The following SORT1 variants were observed in gnomAD, a reference collection of about 807,000 sequenced individuals.
SORT1 encodes the protein sortilin.
In SORT1, 39 loss-of-function variants were observed where a neutral mutation model predicts 101.7. That is an observed-to-expected ratio of 0.38 (90% CI 0.30 to 0.50). The LOEUF (loss-of-function observed/expected upper bound fraction) is 0.50. SORT1 is among the 20% of genes least tolerant of loss of function. The pLI is 0.90. For synonymous variants in SORT1, 396 were observed against 393.7 expected (o/e 1.01, Z -0.07); for missense variants, 878 against 1,040.4 (o/e 0.84, Z 2.15).
intron 15 of SORT1, among the ~76,000 whole-genome samples, chr1:109,318,961 G>A (rs1377771082): frequency 2.6e-5 from 4 of 152,098 alleles, no homozygotes; most frequent in Admixed American, 2.6e-4. Flanking sequence ...TGTATTTTCT[G>A]TAGAAAGAGT....
chr1:109,390,794 TGTGTGC>T lies in SORT1; in HGVS notation c.306+6787_306+6792del, dbSNP rs1264107742. On this transcript the variant is annotated intron_variant, in intron 1 of 19. Transcript: ENST00000256637. ...GTATGTGTGTGTGTGTGTGTGTGTG[TGTGTGC>T]GCGCGCGCGTTTTAGGACATACAGG... is the stretch of plus-strand genomic sequence containing the variant. 2.5e-3 allele frequency among the ~76,000 whole-genome samples: 354 copies of T among 143,174 alleles called. 1 individual carries two copies. Among genetic ancestry groups the T allele is most frequent in the African/African-American group, 8.9e-3 (330 of 36,898 alleles). The allele number at this position is 143,174 out of a possible 152,430, so 93.9% of individuals were successfully genotyped here.
rs1652986264 is a variant in SORT1, at chr1:109,392,761, A to G, written c.306+4826T>C. 1.4e-5 allele frequency: 14 copies of G among 984,654 alleles called. No homozygotes were observed. In the South Asian group the frequency reaches 3.3e-4, roughly 23 times the overall value. 61.0% of individuals were successfully genotyped at this position (984,654 alleles called of 1,614,324 possible). ...TATCCAATGCATAAGTCATTTTAAC[A>G]TCCCTCTAGGGGCTAAAGGTCTGAC... On this transcript the variant is annotated intron_variant, in intron 1 of 19. Coordinates refer to ENST00000256637, the MANE Select transcript of SORT1 (RefSeq NM_002959.7).
chr1:109,378,947 C>T (rs926151703), intron 1 of SORT1, among the ~76,000 whole-genome samples: 4 of 150,152 alleles, frequency 2.7e-5, no homozygotes, highest in African/African-American at 9.8e-5. Flanking sequence ...GTTCAAGACC[C>T]GCCTGACCAA....
In SORT1 at chr1:109,342,033, C is replaced by T; in HGVS notation, c.1089G>A (p.Met363Ile). 1 of 1,613,662 alleles carries T rather than the reference C, an allele frequency of 6.2e-7. No homozygotes were observed. The highest frequency in any genetic ancestry group is 8.5e-7 in the Non-Finnish European group (1 of 1,179,856). Residue 363 changes from methionine to isoleucine, a missense_variant, in exon 9 of 20, where the codon ATG (methionine) becomes ATA (isoleucine). Met to Ile is a conservative substitution (Grantham distance 10). Transcript: ENST00000256637. ...ILAANDDMVF[M>I]HVDEPGDTGF... ...TCTTACCTCCAGGTTCATCTACATG[C>T]ATGAATACCATGTCATCATTTGCTG... is the stretch of plus-strand genomic sequence containing the variant.
chr1:109,370,866 C>A (rs1282966620), intron 1 of SORT1, among the ~76,000 whole-genome samples: 1 of 152,144 alleles, frequency 6.6e-6, no homozygotes, highest in Non-Finnish European at 1.5e-5. Flanking sequence ...CAAACTCAAC[C>A]TCAAAATAGA....
At chr1:109,315,514 A>G (rs981476137) in intron 17 of SORT1, among the ~76,000 whole-genome samples, 1 of 151,988 alleles carries the variant, frequency 6.6e-6, no homozygotes, top group African/African-American at 2.4e-5. Context: ...CTCCTCTCCC[A>G]TCATCTCCTT....
chr1:109,387,043 C>A (rs1018461501), intron 1 of SORT1, among the ~76,000 whole-genome samples: 1 of 152,174 alleles, frequency 6.6e-6, no homozygotes, highest in Non-Finnish European at 1.5e-5. Context: ...GTAATCCCAG[C>A]ACTTTGGGAG....
chr1:109,353,685 T>C (rs1570940580), intron 5 of SORT1, among the ~76,000 whole-genome samples: 2 of 152,334 alleles, frequency 1.3e-5, no homozygotes, highest in East Asian at 3.9e-4. Flanking sequence ...CCTCAGGTGT[T>C]TCTATCTGAT....
chr1:109,330,749 ACT>A lies in SORT1; in HGVS notation c.1372-3150_1372-3149del, dbSNP rs761833597. Among the ~76,000 whole-genome samples, 13 of 152,186 alleles carry A rather than the reference ACT, an allele frequency of 8.5e-5. No individual in the cohort carries two copies. The East Asian group carries it at 2.3e-3, about 27-fold the overall frequency. On this transcript the variant is annotated intron_variant, in intron 11 of 19. Transcript: ENST00000256637. ...AATTAGAATAAGAAAAAAAGAAAAG[ACT>A]CAAGTAAAATCAGAAATGTAAGAGG...
intron 11 of SORT1, among the ~76,000 whole-genome samples, chr1:109,329,756 C>CAATAAT (rs1367540075): frequency 1.3e-5 from 2 of 152,150 alleles, no homozygotes; most frequent in Non-Finnish European, 2.9e-5. Context: ...GACGACAATA[C>CAATAAT]AATAATAGTA....
chr1:109,326,996 T>G lies in SORT1; in HGVS notation c.1639A>C (p.Ile547Leu), dbSNP rs747602158. The G allele has an allele frequency of 1.4e-5, 22 of 1,610,710 alleles. No homozygotes were observed. The Admixed American group carries it at 2.3e-4, about 17-fold the overall frequency. ...IEHSSRPINVIKFSTDEGQCW... is the reference protein window; with the variant it reads ...IEHSSRPINVLKFSTDEGQCW... ...GTGAGATGAGTTCATGCATACTTAA[T>G]CACATTGATAGGACGGCTGCTGTGC... Residue 547 changes from isoleucine to leucine, a missense_variant, in exon 13 of 20, where the codon ATT becomes CTT. Transcript: ENST00000256637.
intron 1 of SORT1, among the ~76,000 whole-genome samples, chr1:109,369,988 A>G (rs1423729537): frequency 6.6e-6 from 1 of 152,212 alleles, no homozygotes; most frequent in East Asian, 1.9e-4. Context: ...ACATAATTTA[A>G]ATTTTTCTGG....
intron 3 of SORT1, among the ~76,000 whole-genome samples, chr1:109,360,330 T>C (rs1433613924): frequency 6.6e-6 from 1 of 151,960 alleles, no homozygotes; most frequent in Non-Finnish European, 1.5e-5. Flanking sequence ...TGTAAGACCC[T>C]GTGTCAAAAG....
chr1:109,373,207 GGAGA>G (rs1221522458), intron 1 of SORT1, among the ~76,000 whole-genome samples: 1 of 152,202 alleles, frequency 6.6e-6, no homozygotes, highest in Non-Finnish European at 1.5e-5. Context: ...CTTACTGCCT[GGAGA>G]GAATTTCAGG....
At chr1:109,330,416 T>TA in intron 11 of SORT1, among the ~76,000 whole-genome samples, 1 of 75,398 alleles carries the variant, frequency 1.3e-5, no homozygotes, top group South Asian at 4.6e-4. Flanking sequence ...CAAAGGGAAA[T>TA]AAAAAAAACT....
At chr1:109,334,808 T>A (rs943983275) in intron 11 of SORT1, among the ~76,000 whole-genome samples, 2 of 152,168 alleles carry the variant, frequency 1.3e-5, no homozygotes, top group African/African-American at 4.8e-5. Flanking sequence ...TTGTCAATTA[T>A]GCCTCCATAA....
chr1:109,397,738 C>T lies in SORT1; in HGVS notation c.155G>A (p.Gly52Asp). Reference protein sequence around the residue: ...PPAAPLPRWSGPIGVSWGLRA... With the variant: ...PPAAPLPRWSDPIGVSWGLRA... ...CAGCCCCCAGCTCACCCCGATGGGG[C>T]CAGACCAGCGCGGCAGCGGCGCAGC... Residue 52 changes from glycine (G) to aspartate (D), a missense_variant, in exon 1 of 20, where the codon GGC (glycine) becomes GAC (aspartate). Gly to Asp is a moderately conservative substitution (Grantham distance 94). Coordinates refer to ENST00000256637, the MANE Select transcript of SORT1 (RefSeq NM_002959.7). The T allele has an allele frequency of 8.4e-7, 1 of 1,197,536 alleles. No homozygotes were observed. Among genetic ancestry groups the T allele is most frequent in the Non-Finnish European group, 1.0e-6 (1 of 966,342 alleles). 74.2% of individuals were successfully genotyped at this position (1,197,536 alleles called of 1,614,324 possible).
intron 1 of SORT1, among the ~76,000 whole-genome samples, chr1:109,394,551 A>G (rs1653088943): frequency 6.6e-6 from 1 of 152,208 alleles, no homozygotes; most frequent in Non-Finnish European, 1.5e-5. Flanking sequence ...TAAACGCACT[A>G]TTATGCTTTA....
At chr1:109,324,210 C>T (rs1362901786) in intron 14 of SORT1, among the ~76,000 whole-genome samples, 1 of 152,008 alleles carries the variant, frequency 6.6e-6, no homozygotes, top group Non-Finnish European at 1.5e-5. Flanking sequence ...CTCATTGCAA[C>T]CTCTTCCTCT....
Sources: allele counts gnomAD v4.1 joint callset (sites outside exome capture counted in the v4.1 genomes callset), GRCh38; gene constraint gnomAD v4.1.1; transcripts MANE v1.5; gene names NCBI Gene and HGNC (gene_info 2026-07-23, HGNC 2026-07-21).